Variants in GPCPD1 observed in about 807,000 individuals in gnomAD.
GPCPD1 encodes the protein glycerophosphocholine phosphodiesterase GPCPD1.
A neutral mutation model predicts 89.2 loss-of-function variants in GPCPD1; 29 were observed. The observed-to-expected ratio is 0.33, with a 90% CI of 0.24 to 0.44. The LOEUF is 0.44. Among genes scored for constraint, GPCPD1 ranks in the 20% least tolerant of loss-of-function variants. The probability of loss-of-function intolerance (pLI) is 1.00; values close to 1 mark genes in which losing one functional copy is unlikely to be tolerated. For missense variants in GPCPD1, 594 were observed against 808.9 expected (o/e 0.73, Z 3.22); for synonymous variants, 258 against 266.3 (o/e 0.97, Z 0.30).
intron 2 of GPCPD1, among the ~76,000 whole-genome samples, chr20:5,603,191 G>A (rs1027934558): frequency 5.9e-5 from 9 of 152,022 alleles, no homozygotes; most frequent in Admixed American, 1.3e-4. Flanking sequence ...TACTTGGGAG[G>A]CTGAGGCAGG....
At chr20:5,548,915 C>T (rs1985200663) in intron 19 of GPCPD1, 2 of 1,034,242 alleles carry the variant, frequency 1.9e-6, no homozygotes, top group Admixed American at 2.5e-5. Context: ...CAGGAGGTTG[C>T]TAACCCAGAA....
intron 2 of GPCPD1, 35 bp from the exon 3 acceptor site, chr20:5,598,856 G>T: frequency 7.6e-7 from 1 of 1,312,000 alleles, no homozygotes; most frequent in African/African-American, 1.4e-5. Context: ...CAGAGAAACA[G>T]AACAATCAGT....
intron 1 of GPCPD1, among the ~76,000 whole-genome samples, chr20:5,608,037 CT>C (rs2122834936): frequency 6.6e-6 from 1 of 152,208 alleles, no homozygotes; most frequent in African/African-American, 2.4e-5. Flanking sequence ...TGTTGACTAA[CT>C]TTAAATAACT....
At chr20:5,570,334 T>C (rs878947696) in intron 11 of GPCPD1, 95 bp from the exon 12 acceptor site, 1 of 480,856 alleles carries the variant, frequency 2.1e-6, no homozygotes, top group East Asian at 3.9e-5. Context: ...ACTATAAAAT[T>C]ACAGACCTGT....
At chr20:5,549,505 C>G (rs773079764) in intron 19 of GPCPD1, 81 of 1,129,686 alleles carry the variant, frequency 7.2e-5, no homozygotes, top group Non-Finnish European at 9.8e-5. Context: ...GAGTATTCTT[C>G]TGAGTATTCT....
intron 6 of GPCPD1, 77 bp downstream of exon 6, chr20:5,584,204 C>A: frequency 1.3e-6 from 1 of 750,840 alleles, no homozygotes; most frequent in Non-Finnish European, 2.3e-6. Flanking sequence ...TTTTCCTGTG[C>A]TATATAACTC....
chr20:5,551,303 G>T (rs1985394350), intron 19 of GPCPD1, among the ~76,000 whole-genome samples: 1 of 152,186 alleles, frequency 6.6e-6, no homozygotes, highest in Non-Finnish European at 1.5e-5. Context: ...TGAACAGGAA[G>T]TATCTAAAGG....
chr20:5,578,052 C>T (rs1031480045), intron 8 of GPCPD1, among the ~76,000 whole-genome samples: 3 of 152,164 alleles, frequency 2.0e-5, no homozygotes, highest in Non-Finnish European at 4.4e-5. Context: ...TCGGGATGCC[C>T]GCCAAGAGGT....
At chr20:5,579,121 G>A (rs1978316703) in intron 7 of GPCPD1, among the ~76,000 whole-genome samples, 1 of 152,074 alleles carries the variant, frequency 6.6e-6, no homozygotes, top group South Asian at 2.1e-4. Context: ...AGAGGTGGAG[G>A]TTGCAGTGAG....
chr20:5,571,537 T>C (rs1986717985), intron 11 of GPCPD1, among the ~76,000 whole-genome samples: 1 of 152,184 alleles, frequency 6.6e-6, no homozygotes, highest in South Asian at 2.1e-4. Context: ...GAAAATGTGA[T>C]CCCTGTGAGT....
chr20:5,586,397 T>C, intron 4 of GPCPD1, 128 bp from the exon 5 acceptor site: 1 of 590,508 alleles, frequency 1.7e-6, no homozygotes, highest in South Asian at 2.1e-5. Flanking sequence ...TTATTATCAA[T>C]ATTATATGCC....
Position 5,559,926 on chromosome 20 carries a change from A to G in GPCPD1, c.1532+14T>C. 1.4e-6 allele frequency: 2 copies of G among 1,435,220 alleles called. No homozygotes were observed. Among genetic ancestry groups the G allele is most frequent in the Non-Finnish European group, 9.4e-7 (1 of 1,065,148 alleles). The allele number at this position is 1,435,220 out of a possible 1,614,324, so 88.9% of individuals were successfully genotyped here. A position where few individuals can be genotyped will look rare whatever the true frequency, so the allele number is the denominator to read the frequency against. Reference sequence around the variant, plus strand: ...ATTCTAAGAGTATAGGAAAAAATACAGAGTATTACTCACATTGTGCAAATA... The same window carrying G: ...ATTCTAAGAGTATAGGAAAAAATACGGAGTATTACTCACATTGTGCAAATA... On this transcript the variant is annotated intron_variant, in intron 17 of 19. Transcript: ENST00000379019.
At chr20:5,595,941 T>C (rs781462499) in intron 3 of GPCPD1, among the ~76,000 whole-genome samples, 3 of 152,108 alleles carry the variant, frequency 2.0e-5, no homozygotes, top group Non-Finnish European at 2.9e-5. Flanking sequence ...CCTCAGCCAT[T>C]ATTTCTCAAT....
chr20:5,584,547 T>C (rs112741826), intron 5 of GPCPD1: 173 of 289,220 alleles, frequency 6.0e-4, no homozygotes, highest in African/African-American at 2.4e-3. Flanking sequence ...TTGTCCATTA[T>C]GTTAAAAAGA....
chr20:5,576,081 C>T lies in GPCPD1; in HGVS notation c.706-103G>A, dbSNP rs574730477. Reference sequence around the variant, plus strand: ...CACACAGACACACACACACATATCTCCTATATATGAAATGTGTATATATAT... The same window carrying T: ...CACACAGACACACACACACATATCTTCTATATATGAAATGTGTATATATAT... On this transcript the variant is annotated intron_variant, in intron 8 of 19. Coordinates refer to ENST00000379019, the MANE Select transcript of GPCPD1 (RefSeq NM_019593.5). 5.5e-5 allele frequency: 28 copies of T among 507,766 alleles called. No individual in the cohort carries two copies. The South Asian group carries it at 9.8e-4, about 18-fold the overall frequency. The allele number at this position is 507,766 out of a possible 1,614,324, so 31.5% of individuals were successfully genotyped here. A position where few individuals can be genotyped will look rare whatever the true frequency, so the allele number is the denominator to read the frequency against.
chr20:5,603,744 T>C (rs953777509), intron 2 of GPCPD1, among the ~76,000 whole-genome samples: 1 of 147,926 alleles, frequency 6.8e-6, no homozygotes, highest in East Asian at 1.9e-4. Context: ...CACCAACTTA[T>C]TCTTTTTTTT....
chr20:5,596,251 T>C (rs1979716049), intron 3 of GPCPD1, among the ~76,000 whole-genome samples: 2 of 151,926 alleles, frequency 1.3e-5, no homozygotes, highest in East Asian at 1.9e-4. Context: ...AAAATTTTAA[T>C]GAGCTGGGCA....
chr20:5,552,806 G>T (rs891774510), intron 19 of GPCPD1, among the ~76,000 whole-genome samples: 7 of 152,132 alleles, frequency 4.6e-5, no homozygotes, highest in African/African-American at 1.7e-4. Flanking sequence ...AATACTGGAA[G>T]GAAAACAAGC....
In GPCPD1 at chr20:5,584,282, G is replaced by A. The variant is rs1310461581; in HGVS notation, c.348C>T (p.His116=). Residue 116 remains histidine, a splice_region_variant and synonymous_variant, in exon 6 of 20, where the codon CAC becomes CAT. Transcript: ENST00000379019. ...IIIDDGQFGI[H]NGVETLDSGW... ...TTTAAGTAAGTCAGTCTCACTTACT[G>A]TGGATTCCAAATTGTCCATCGTCAA... 1.5e-6 allele frequency: 2 copies of A among 1,366,974 alleles called. No homozygotes were observed. Among genetic ancestry groups the A allele is most frequent in the Non-Finnish European group, 2.1e-6 (2 of 961,010 alleles). 84.7% of individuals were successfully genotyped at this position (1,366,974 alleles called of 1,614,324 possible). A position where few individuals can be genotyped will look rare whatever the true frequency, so the allele number is the denominator to read the frequency against.
Sources: allele counts gnomAD v4.1 joint callset (sites outside exome capture counted in the v4.1 genomes callset), GRCh38; gene constraint gnomAD v4.1.1; transcripts MANE v1.5; gene names NCBI Gene and HGNC (gene_info 2026-07-23, HGNC 2026-07-21).